The following ST6GAL1 variants were observed in gnomAD, a reference collection of about 807,000 sequenced individuals.
The protein encoded by ST6GAL1 is ST6 beta-galactoside alpha-2,6-sialyltransferase 1.
ST6GAL1 carries 20 observed loss-of-function variants against 38.0 expected under a neutral mutation model. The ratio of observed to expected loss-of-function variants is 0.53; its 90% confidence interval spans 0.37 to 0.77. ST6GAL1 has a LOEUF of 0.77. ST6GAL1 is among the 30% of genes least tolerant of loss of function. The pLI is 0.00. For missense variants in ST6GAL1, 432 were observed against 496.4 expected, an observed-to-expected ratio of 0.87 and a Z score of 1.23; for synonymous variants, 196 against 188.2, an observed-to-expected ratio of 1.04 and a Z score of -0.34.
chr3:186,990,777 C>A (rs1236132545), intron 2 of ST6GAL1, among the ~76,000 whole-genome samples: 2 of 151,266 alleles, frequency 1.3e-5, no homozygotes, highest in Non-Finnish European at 2.9e-5. Context: ...CGTACCATTG[C>A]GCTCCGGCCT....
rs555270783 is a variant in ST6GAL1 at position 187,055,877 on chromosome 3, CGTT to C, written c.705+4533_705+4535del. 7.6e-3 allele frequency among the ~76,000 whole-genome samples: 1,156 copies of C among 152,156 alleles called. 16 individuals are homozygous for C. Among genetic ancestry groups the C allele is most frequent in the African/African-American group, 0.026 (1,069 of 41,480 alleles). ...GGATATCCTTGTTAAGTTTCTGTCTCGTTGATCCGTCTAATATTGACAGTGGGG... is the reference window on the plus strand; with the variant it reads ...GGATATCCTTGTTAAGTTTCTGTCTCGATCCGTCTAATATTGACAGTGGGG... On this transcript the variant is annotated intron_variant, in intron 5 of 7. Coordinates refer to ENST00000169298, the MANE Select transcript of ST6GAL1 (RefSeq NM_173216.2).
intron 3 of ST6GAL1, among the ~76,000 whole-genome samples, chr3:187,039,683 A>C (rs1718062820): frequency 6.6e-6 from 1 of 152,078 alleles, no homozygotes; most frequent in Admixed American, 6.5e-5. Flanking sequence ...AAAGTTTGCT[A>C]CTCTTTTCCC....
chr3:186,933,133 C>T (rs540094191), intron 1 of ST6GAL1, among the ~76,000 whole-genome samples: 6 of 152,236 alleles, frequency 3.9e-5, no homozygotes, highest in Non-Finnish European at 7.3e-5. Context: ...CTACATTTCG[C>T]CTGTTTTACA....
At chr3:187,010,117 A>G (rs1170264594) in intron 2 of ST6GAL1, among the ~76,000 whole-genome samples, 2 of 152,164 alleles carry the variant, frequency 1.3e-5, no homozygotes, top group Non-Finnish European at 2.9e-5. Context: ...AGGTTATTTC[A>G]GGTTATTCAT....
chr3:186,984,116 A>G (rs55873928), intron 2 of ST6GAL1, among the ~76,000 whole-genome samples: 17,206 of 151,926 alleles, frequency 0.11, 1,005 homozygotes, highest in South Asian at 0.16. Flanking sequence ...TTGGGCTCCA[A>G]CCCTTGGAAT....
intron 5 of ST6GAL1, among the ~76,000 whole-genome samples, chr3:187,070,819 C>T (rs1719344031): frequency 1.3e-5 from 2 of 152,216 alleles, no homozygotes. Context: ...TTTCCCACTA[C>T]CCTGTGACCT....
Position 187,065,721 on chromosome 3 carries a change from T to C in ST6GAL1, c.706-7128T>C, listed in dbSNP as rs1432718585. On this transcript the variant is annotated intron_variant, in intron 5 of 7. Coordinates refer to ENST00000169298, the MANE Select transcript of ST6GAL1 (RefSeq NM_173216.2). ...CTACTTCCTATATGCCTAGCAACAG[T>C]CCACACTGACTGGACTGCAACCAGG... is the stretch of plus-strand genomic sequence containing the variant. 2.6e-5 allele frequency among the ~76,000 whole-genome samples: 4 copies of C among 152,334 alleles called. No homozygotes were observed. The East Asian group carries it at 5.8e-4, about 22-fold the overall frequency.
At chr3:187,041,221 A>G (rs1437170333) in intron 3 of ST6GAL1, among the ~76,000 whole-genome samples, 1 of 152,216 alleles carries the variant, frequency 6.6e-6, no homozygotes, top group East Asian at 1.9e-4. Context: ...GGGCAGAAAT[A>G]TTAAGTGACC....
intron 2 of ST6GAL1, among the ~76,000 whole-genome samples, chr3:187,005,269 CTTTTTTTTTTTTTT>C (rs58085172): frequency 2.9e-5 from 3 of 103,956 alleles, no homozygotes; most frequent in South Asian, 3.1e-4. Flanking sequence ...TTTTCTTTTT[CTTTTTTTTTTTTTT>C]TTTTTTTTTG....
intron 3 of ST6GAL1, among the ~76,000 whole-genome samples, chr3:187,041,537 A>G (rs1048435384): frequency 3.3e-5 from 5 of 152,268 alleles, no homozygotes; most frequent in Non-Finnish European, 7.3e-5. Flanking sequence ...TTACTCAGAA[A>G]TAAAGAGACT....
At chr3:186,980,295 G>T (rs927484790) in intron 2 of ST6GAL1, among the ~76,000 whole-genome samples, 1 of 152,124 alleles carries the variant, frequency 6.6e-6, no homozygotes, top group Non-Finnish European at 1.5e-5. Flanking sequence ...CTAGGATCTG[G>T]CAAGTTTAAG....
chr3:186,971,570 A>ACCC lies in ST6GAL1; in HGVS notation c.-183+7647_-183+7649dup, dbSNP rs1715351745. On this transcript the variant is annotated intron_variant, in intron 2 of 7. Coordinates refer to ENST00000169298, the MANE Select transcript of ST6GAL1 (RefSeq NM_173216.2). ...AAGCAAGAAGATTTGGTGCTGACAA[A>ACCC]CCCCCTCCCATCATTTTCAGAGCTG... 2.0e-5 allele frequency among the ~76,000 whole-genome samples: 3 copies of ACCC among 151,792 alleles called. No individual in the cohort carries two copies. The South Asian group carries it at 6.2e-4, about 32-fold the overall frequency.
At chr3:187,074,591 A>T (rs1719498644) in intron 7 of ST6GAL1, among the ~76,000 whole-genome samples, 1 of 152,164 alleles carries the variant, frequency 6.6e-6, no homozygotes, top group Non-Finnish European at 1.5e-5. Context: ...GAAGGGAGAG[A>T]CAACCTGGTG....
Position 186,971,905 on chromosome 3 carries a change from G to A in ST6GAL1, c.-183+7979G>A, listed in dbSNP as rs148657219. ...GTTTAGAGATCATACAGTGCCAAGG[G>A]CAGCTGCCATGGCCTCAAGCCTTCC... On this transcript the variant is annotated intron_variant, in intron 2 of 7. Coordinates refer to ENST00000169298, the MANE Select transcript of ST6GAL1 (RefSeq NM_173216.2). 2.0e-3 allele frequency among the ~76,000 whole-genome samples: 312 copies of A among 152,276 alleles called. 2 individuals carry two copies. The highest frequency in any genetic ancestry group is 6.9e-3 in the African/African-American group (286 of 41,554).
rs186356267 is a variant in ST6GAL1, at chr3:187,041,057, C to T, written c.-50-1597C>T. On this transcript the variant is annotated intron_variant, in intron 3 of 7. Coordinates refer to ENST00000169298, the MANE Select transcript of ST6GAL1 (RefSeq NM_173216.2). ...ACCCGTATCACCTCCACATGGCCCC[C>T]AGGCTGAGCTGCTGCTCTCCTGTCT... Among the ~76,000 whole-genome samples, 78 of 152,192 alleles carry T rather than the reference C, an allele frequency of 5.1e-4. 1 individual carries two copies. Among genetic ancestry groups the T allele is most frequent in the Admixed American group, 5.1e-3 (78 of 15,306 alleles).
intron 4 of ST6GAL1, chr3:187,043,652 T>A (rs1718204094): frequency 6.2e-6 from 1 of 162,268 alleles, no homozygotes; most frequent in African/African-American, 2.4e-5. Context: ...GAACATTTAT[T>A]GTTTCTTTGT....
chr3:187,065,162 C>G (rs1719059367), intron 5 of ST6GAL1, among the ~76,000 whole-genome samples: 1 of 152,088 alleles, frequency 6.6e-6, no homozygotes, highest in Admixed American at 6.6e-5. Flanking sequence ...CCATGCCCAG[C>G]TAATTTTTTG....
At chr3:187,021,447 C>T (rs1717295962) in intron 2 of ST6GAL1, among the ~76,000 whole-genome samples, 1 of 151,976 alleles carries the variant, frequency 6.6e-6, no homozygotes, top group South Asian at 2.1e-4. Flanking sequence ...GGCCTTACAA[C>T]CCTCCCATGA....
At chr3:186,951,763 T>C (rs2108521074) in intron 1 of ST6GAL1, among the ~76,000 whole-genome samples, 1 of 152,348 alleles carries the variant, frequency 6.6e-6, no homozygotes, top group Non-Finnish European at 1.5e-5. Context: ...TCTTAGTCCA[T>C]TCAGGCTGTG....
Sources: gnomAD v4.1 joint callset for allele counts (sites outside exome capture counted in the v4.1 genomes callset) on GRCh38, gnomAD v4.1.1 for gene constraint, MANE v1.5 for transcripts, NCBI Gene and HGNC (gene_info 2026-07-23, HGNC 2026-07-21) for gene names.